Variants in DIAPH3 observed in about 807,000 individuals in gnomAD.
DIAPH3 encodes diaphanous related formin 3.
A neutral mutation model predicts 144.3 loss-of-function variants in DIAPH3; 117 were observed. The observed-to-expected ratio is 0.81, with a 90% CI of 0.70 to 0.95. The LOEUF is 0.95. Among genes scored for constraint, DIAPH3 ranks in the 40% least tolerant of loss-of-function variants. The pLI is 0.00. For synonymous variants in DIAPH3, 519 were observed against 488.9 expected (o/e 1.06, Z -0.81); for missense variants, 1,421 against 1,412.7 (o/e 1.01, Z -0.09).
At chr13:60,082,251 T>C (rs563398154) in intron 4 of DIAPH3, among the ~76,000 whole-genome samples, 1 of 146,418 alleles carries the variant, frequency 6.8e-6, no homozygotes, top group African/African-American at 2.6e-5. Flanking sequence ...AAATAAAATG[T>C]TTAAAACCTA....
intron 27 of DIAPH3, among the ~76,000 whole-genome samples, chr13:59,742,090 G>A (rs1272382692): frequency 2.0e-5 from 3 of 151,968 alleles, no homozygotes; most frequent in Non-Finnish European, 2.9e-5. Context: ...GCTTGTGCAG[G>A]GGAACTCCCA....
At chr13:59,747,187 A>G (rs1175012161) in intron 27 of DIAPH3, among the ~76,000 whole-genome samples, 1 of 152,208 alleles carries the variant, frequency 6.6e-6, no homozygotes, top group Non-Finnish European at 1.5e-5. Context: ...ACTGATTGCC[A>G]AGTACCAATA....
At chr13:60,155,664 T>A (rs925313736) in intron 1 of DIAPH3, among the ~76,000 whole-genome samples, 1 of 152,180 alleles carries the variant, frequency 6.6e-6, no homozygotes, top group African/African-American at 2.4e-5. Flanking sequence ...AAACAGTATC[T>A]CAATTCTTGA....
At chr13:59,675,037 C>T (rs2032567010) in intron 27 of DIAPH3, among the ~76,000 whole-genome samples, 1 of 152,116 alleles carries the variant, frequency 6.6e-6, no homozygotes, top group Non-Finnish European at 1.5e-5. Context: ...TACTACATAC[C>T]TGATAAAACT....
At chr13:60,024,325 A>G (rs1276496977) in intron 5 of DIAPH3, among the ~76,000 whole-genome samples, 3 of 151,946 alleles carry the variant, frequency 2.0e-5, no homozygotes, top group Non-Finnish European at 4.4e-5. Context: ...TATACTTTCT[A>G]TCATTCTATA....
At chr13:59,671,258 G>A (rs1009285966) in intron 27 of DIAPH3, among the ~76,000 whole-genome samples, 6 of 152,156 alleles carry the variant, frequency 3.9e-5, no homozygotes, top group Non-Finnish European at 8.8e-5. Context: ...GAGGCAGGTA[G>A]GCCAATTCTT....
chr13:59,665,639 A>G lies in DIAPH3; in HGVS notation c.*945T>C, dbSNP rs1399407068. ...ATTTCCTTTGATATAGAATTAACAG[A>G]GTAATGATGCCCAAATGAGGTAATA... is the stretch of plus-strand genomic sequence containing the variant. On this transcript the variant is annotated 3_prime_UTR_variant, in exon 28 of 28. Transcript: ENST00000400324. 6.5e-6 allele frequency: 1 copy of G among 152,674 alleles called. No homozygotes were observed. The highest frequency in any genetic ancestry group is 2.4e-5 in the African/African-American group (1 of 41,466). The allele number at this position is 152,674 out of a possible 1,614,324, so 9.5% of individuals were successfully genotyped here.
chr13:59,719,443 A>G (rs1385935629), intron 27 of DIAPH3, among the ~76,000 whole-genome samples: 2 of 152,188 alleles, frequency 1.3e-5, no homozygotes, highest in Non-Finnish European at 2.9e-5. Context: ...ACTTATGGAG[A>G]GAGGTTGGCT....
intron 24 of DIAPH3, 124 bp from the exon 25 acceptor site, chr13:59,811,047 G>A (rs1282999560): frequency 2.2e-6 from 2 of 895,276 alleles, no homozygotes; most frequent in Non-Finnish European, 3.4e-6. Context: ...GGTGAGTTAT[G>A]TTAGTAATAC....
intron 4 of DIAPH3, among the ~76,000 whole-genome samples, chr13:60,075,653 C>A (rs931223694): frequency 6.6e-6 from 1 of 152,168 alleles, no homozygotes; most frequent in Non-Finnish European, 1.5e-5. Flanking sequence ...TCAGTGTGAA[C>A]CTCACTCAAA....
intron 27 of DIAPH3, among the ~76,000 whole-genome samples, chr13:59,667,222 G>T (rs778597191): frequency 2.6e-5 from 4 of 152,134 alleles, no homozygotes; most frequent in Non-Finnish European, 5.9e-5. Flanking sequence ...CCTTTGCACT[G>T]CTCTATCCTT....
At chr13:59,946,126 C>T (rs1363027320) in intron 17 of DIAPH3, among the ~76,000 whole-genome samples, 1 of 151,936 alleles carries the variant, frequency 6.6e-6, no homozygotes, top group Admixed American at 6.6e-5. Flanking sequence ...ATACTTAGCG[C>T]TCAGATTTTT....
At chr13:59,967,267 G>T (rs889991418) in intron 17 of DIAPH3, among the ~76,000 whole-genome samples, 4 of 151,218 alleles carry the variant, frequency 2.6e-5, no homozygotes, top group Non-Finnish European at 2.9e-5. Context: ...AGAAATGAGG[G>T]TCTCATCATG....
chr13:60,136,475 A>C (rs2059279913), intron 1 of DIAPH3, among the ~76,000 whole-genome samples: 2 of 148,708 alleles, frequency 1.3e-5, no homozygotes, highest in Admixed American at 1.3e-4. Flanking sequence ...TATTTACCAA[A>C]AAAAAAAAAA....
chr13:59,980,516 G>A (rs1237623173), intron 14 of DIAPH3, among the ~76,000 whole-genome samples: 1 of 151,562 alleles, frequency 6.6e-6, no homozygotes, highest in Non-Finnish European at 1.5e-5. Flanking sequence ...GGGTGAAATA[G>A]ATAAGTCATT....
intron 25 of DIAPH3, among the ~76,000 whole-genome samples, chr13:59,793,260 C>T (rs2039419271): frequency 6.6e-6 from 1 of 152,162 alleles, no homozygotes; most frequent in Non-Finnish European, 1.5e-5. Context: ...CTCCTGCCGC[C>T]CTCAGAAGTT....
At chr13:59,839,194 G>A (rs1394517523) in intron 23 of DIAPH3, 130 bp downstream of exon 23, 15 of 1,077,014 alleles carry the variant, frequency 1.4e-5, no homozygotes, top group Non-Finnish European at 1.8e-5. Flanking sequence ...CTGCAAGAAG[G>A]CAAAGGTTAA....
intron 25 of DIAPH3, among the ~76,000 whole-genome samples, chr13:59,801,316 T>C (rs900981411): frequency 2.6e-4 from 40 of 152,190 alleles, no homozygotes; most frequent in Admixed American, 7.9e-4. Context: ...ATTTAGAATC[T>C]TCAAACTAAT....
intron 17 of DIAPH3, among the ~76,000 whole-genome samples, chr13:59,925,239 A>G (rs1368964693): frequency 1.3e-5 from 2 of 152,188 alleles, no homozygotes; most frequent in Admixed American, 1.3e-4. Flanking sequence ...TTGCAAGTAT[A>G]TTAATTGGAT....
Sources: allele counts gnomAD v4.1 joint callset (sites outside exome capture counted in the v4.1 genomes callset), GRCh38; gene constraint gnomAD v4.1.1; transcripts MANE v1.5; gene names NCBI Gene and HGNC (gene_info 2026-07-23, HGNC 2026-07-21).